The following MRPL55 variants were observed in gnomAD, a reference collection of about 807,000 sequenced individuals.
MRPL55 encodes mitochondrial ribosomal protein L55.
MRPL55 carries 7 observed loss-of-function variants against 10.6 expected under a neutral mutation model. That is an observed-to-expected ratio of 0.66 (90% CI 0.38 to 1.24). MRPL55 has a LOEUF of 1.24. MRPL55 is among the 50% of genes most tolerant of loss of function. The pLI is 0.02. For synonymous variants in MRPL55, 57 were observed against 71.8 expected (o/e 0.79, Z 1.04); for missense variants, 148 against 180.3 (o/e 0.82, Z 1.03).
Position 228,107,939 on chromosome 1 carries a change from G to A in MRPL55, c.27-70C>T, listed in dbSNP as rs753090966. ...CAGAGTGCCAACATGACTGAGGCTGGCTGTGATTGGGCACTGCCGGGCCAC... is the reference window on the plus strand; with the variant it reads ...CAGAGTGCCAACATGACTGAGGCTGACTGTGATTGGGCACTGCCGGGCCAC... On this transcript the variant is annotated intron_variant, in intron 3 of 4. Transcript: ENST00000336520. The A allele has an allele frequency of 1.9e-6, 3 of 1,585,302 alleles. No homozygotes were observed. In the South Asian group the frequency reaches 3.4e-5, roughly 18 times the overall value.
intron 3 of MRPL55, 47 bp from the exon 4 acceptor site, chr1:228,107,916 G>A: frequency 6.2e-7 from 1 of 1,602,282 alleles, no homozygotes; most frequent in East Asian, 2.2e-5. Flanking sequence ...TGCTGCAGCA[G>A]AGTGCCAACA....
chr1:228,106,843 A>G lies in MRPL55; in HGVS notation c.304T>C (p.Ser102Pro). The change falls in exon 5 of 5, where the codon TCG becomes CCG. Residue 102 changes from serine to proline, a missense_variant. Physicochemically the swap from Ser to Pro is moderately conservative, Grantham distance 74. Transcript: ENST00000336520. ...RLRKREAQLQ[S>P]RKEYEQELSD... ...AGCTCCTGCTCGTACTCCTTCCTCG[A>G]CTGGAGCTGAGCCTCACGCTTCCGC... 1.2e-6 allele frequency: 2 copies of G among 1,613,942 alleles called. No homozygotes were observed. The highest frequency in any genetic ancestry group is 1.7e-6 in the Non-Finnish European group (2 of 1,180,000).
chr1:228,106,979 G>A (rs2033187563), intron 4 of MRPL55, 61 bp from the exon 5 acceptor site: 1 of 1,459,432 alleles, frequency 6.9e-7, no homozygotes, highest in Non-Finnish European at 9.5e-7. Context: ...GCTACTGGGG[G>A]GACAGCCCAA....
Position 228,107,851 on chromosome 1 carries a change from G to A in MRPL55, c.45C>T (p.Thr15=), listed in dbSNP as rs200362514. 55 of 1,613,034 alleles carry A rather than the reference G, an allele frequency of 3.4e-5. No homozygotes were observed. In the East Asian group the frequency reaches 9.8e-4, roughly 29 times the overall value. Residue 15 remains threonine (T), a synonymous_variant, in exon 4 of 5, where the codon ACC becomes ACT. Coordinates refer to ENST00000336520, the MANE Select transcript of MRPL55 (RefSeq NM_181463.3). ...GSLLGRLRQS[T]VKATGPALRR... ...GGAGTGCAGGTCCGGTGGCCTTCAC[G>A]GTGCTCTGCCTCAGCCGGCTGCAGA...
intron 4 of MRPL55, among the ~76,000 whole-genome samples, chr1:228,107,354 G>T (rs2033240164): frequency 1.3e-5 from 2 of 152,214 alleles, no homozygotes; most frequent in South Asian, 4.1e-4. Context: ...AGCCCAGGGG[G>T]TCAGGGCTGC....
At position 228,107,198 on chromosome 1, in the gene MRPL55, C is replaced by T. The variant is rs537021688; in HGVS notation, c.229-280G>A. ...CTTTGGGAGGCCTAGGTGAGAGGAT[C>T]GCTTGAGCCCAGGAGTTCAAGACTA... On this transcript the variant is annotated intron_variant, in intron 4 of 4. Transcript: ENST00000336520. Among the ~76,000 whole-genome samples, 17 of 152,272 alleles carry T rather than the reference C, an allele frequency of 1.1e-4. No individual in the cohort carries two copies. The East Asian group carries it at 2.5e-3, about 22-fold the overall frequency.
In MRPL55 at chr1:228,109,290, C is replaced by CCGGGAG. The variant is rs2033546885; in HGVS notation, c.-268_-267insCTCCCG. 1 of 152,688 alleles carries CCGGGAG rather than the reference C, an allele frequency of 6.5e-6. No homozygotes were observed. The highest frequency in any genetic ancestry group is 2.4e-5 in the African/African-American group (1 of 41,424). The allele number at this position is 152,688 out of a possible 1,614,324, so 9.5% of individuals were successfully genotyped here. On this transcript the variant is annotated 5_prime_UTR_variant, in exon 1 of 5. Coordinates refer to ENST00000336520, the MANE Select transcript of MRPL55 (RefSeq NM_181463.3). ...TTGGGTGCTGCTGCGCTGCAGCCCA[C>CCGGGAG]GACGTCACTGGCAGGCGCTGCGTCG...
At position 228,108,278 on chromosome 1, in the gene MRPL55, G is replaced by A; in HGVS notation, c.-18C>T. On this transcript the variant is annotated 5_prime_UTR_variant, in exon 3 of 5. Transcript: ENST00000336520. ...GCCGCCATTCCTCCTTACAGCCCCAGTGGCACGTGGAGGTGGTCAGTACAG... is the reference window on the plus strand; with the variant it reads ...GCCGCCATTCCTCCTTACAGCCCCAATGGCACGTGGAGGTGGTCAGTACAG... 2 of 1,610,022 alleles carry A rather than the reference G, an allele frequency of 1.2e-6. No individual in the cohort carries two copies. Among genetic ancestry groups the A allele is most frequent in the South Asian group, 1.1e-5 (1 of 90,104 alleles).
At position 228,108,288 on chromosome 1, in the gene MRPL55, G is replaced by T; in HGVS notation, c.-28C>A. 6.2e-7 allele frequency: 1 copy of T among 1,608,412 alleles called. No individual in the cohort carries two copies. The highest frequency in any genetic ancestry group is 8.5e-7 in the Non-Finnish European group (1 of 1,177,640). On this transcript the variant is annotated 5_prime_UTR_variant, in exon 3 of 5. Coordinates refer to ENST00000336520, the MANE Select transcript of MRPL55 (RefSeq NM_181463.3). ...CTCCTTACAGCCCCAGTGGCACGTG[G>T]AGGTGGTCAGTACAGGCCCTGGCGT...
rs371037782 is a variant in MRPL55, at chr1:228,108,252, G to A, written c.9C>T (p.Ala3=). 1.3e-4 allele frequency: 210 copies of A among 1,610,908 alleles called. No individual in the cohort carries two copies. The highest frequency in any genetic ancestry group is 1.7e-4 in the Non-Finnish European group (196 of 1,179,100). ...ATGCTTACCCAAGCAGGCTGCCCAC[G>A]GCCGCCATTCCTCCTTACAGCCCCA... is the stretch of plus-strand genomic sequence containing the variant. MA[A]VGSLLGRLRQ... The change falls in exon 3 of 5, where the codon GCC becomes GCT. Residue 3 remains alanine, a synonymous_variant. Coordinates refer to ENST00000336520, the MANE Select transcript of MRPL55 (RefSeq NM_181463.3).
Position 228,109,276 on chromosome 1 carries a change from T to C in MRPL55, c.-253A>G, listed in dbSNP as rs1401696497. On this transcript the variant is annotated 5_prime_UTR_variant, in exon 1 of 5. Transcript: ENST00000336520. ...AGGTACTCACTGCGTTGGGTGCTGC[T>C]GCGCTGCAGCCCACGACGTCACTGG... The C allele has an allele frequency of 1.3e-5, 2 of 152,620 alleles. No homozygotes were observed. Among genetic ancestry groups the C allele is most frequent in the Admixed American group, 6.5e-5 (1 of 15,288 alleles). 9.5% of individuals were successfully genotyped at this position (152,620 alleles called of 1,614,324 possible).
At chr1:228,106,991 G>T in intron 4 of MRPL55, 73 bp from the exon 5 acceptor site, 1 of 1,262,554 alleles carries the variant, frequency 7.9e-7, no homozygotes, top group Non-Finnish European at 1.1e-6. Flanking sequence ...ACAGCCCAAG[G>T]CCTTCCTCTC....
chr1:228,107,676 T>C lies in MRPL55; in HGVS notation c.220A>G (p.Met74Val). ...IHIRYREPRRMLAMPIDLDTL... is the reference protein window; with the variant it reads ...IHIRYREPRRVLAMPIDLDTL... ...TGGAGAGGGAAGCTTACCGCCAGCA[T>C]GCGCCGTGGCTCCCTGTAGCGGATG... The change falls in exon 4 of 5, where the codon ATG becomes GTG. Residue 74 changes from methionine to valine, a missense_variant. By Grantham distance (21) the Met-to-Val change is conservative (BLOSUM62 1). Coordinates refer to ENST00000336520, the MANE Select transcript of MRPL55 (RefSeq NM_181463.3). The C allele has an allele frequency of 6.2e-7, 1 of 1,612,828 alleles. No homozygotes were observed. The highest frequency in any genetic ancestry group is 8.5e-7 in the Non-Finnish European group (1 of 1,179,976).
intron 2 of MRPL55, 51 bp from the exon 3 acceptor site, chr1:228,108,369 C>T: frequency 8.3e-7 from 1 of 1,203,480 alleles, no homozygotes; most frequent in Admixed American, 2.4e-5. Flanking sequence ...GTTCTTCCAC[C>T]TAATGGTTTC....
Position 228,107,832 on chromosome 1 carries a change from C to T in MRPL55, c.64G>A (p.Ala22Thr), listed in dbSNP as rs1206394772. 2 of 1,612,988 alleles carry T rather than the reference C, an allele frequency of 1.2e-6. No homozygotes were observed. The highest frequency in any genetic ancestry group is 2.7e-5 in the African/African-American group (2 of 74,924). ...GAGGATGTGTGCAGGCGGCGGAGTG[C>T]AGGTCCGGTGGCCTTCACGGTGCTC... ...RQSTVKATGP[A>T]LRRLHTSSWR... The change falls in exon 4 of 5, where the codon GCA becomes ACA. Residue 22 changes from alanine to threonine, a missense_variant. By Grantham distance (58) the Ala-to-Thr change is moderately conservative. Coordinates refer to ENST00000336520, the MANE Select transcript of MRPL55 (RefSeq NM_181463.3).
intron 4 of MRPL55, among the ~76,000 whole-genome samples, chr1:228,107,130 C>T (rs997178464): frequency 2.0e-5 from 3 of 152,216 alleles, no homozygotes; most frequent in African/African-American, 7.2e-5. Context: ...TAAAAACACA[C>T]AAGGCCAGGC....
In MRPL55 at chr1:228,107,678, C is replaced by T. The variant is rs760580888; in HGVS notation, c.218G>A (p.Arg73His). Reference sequence around the variant, plus strand: ...GAGAGGGAAGCTTACCGCCAGCATGCGCCGTGGCTCCCTGTAGCGGATGTG... The same window carrying T: ...GAGAGGGAAGCTTACCGCCAGCATGTGCCGTGGCTCCCTGTAGCGGATGTG... The part of the protein sequence containing the change: ...TIHIRYREPR[R>H]MLAMPIDLDT... The change falls in exon 4 of 5, where the codon CGC becomes CAC. Residue 73 changes from arginine to histidine, a missense_variant. Arg to His is a conservative substitution (Grantham distance 29). Coordinates refer to ENST00000336520, the MANE Select transcript of MRPL55 (RefSeq NM_181463.3). 6.8e-6 allele frequency: 11 copies of T among 1,612,704 alleles called. No individual in the cohort carries two copies. Among genetic ancestry groups the T allele is most frequent in the African/African-American group, 2.7e-5 (2 of 74,932 alleles).
In MRPL55 at chr1:228,107,869, G is replaced by A. The variant is rs2033336193; in HGVS notation, c.27C>T (p.Gly9=). The change falls in exon 4 of 5, where the codon GGC becomes GGT. Residue 9 remains glycine (G), a splice_region_variant and synonymous_variant. Coordinates refer to ENST00000336520, the MANE Select transcript of MRPL55 (RefSeq NM_181463.3). ...CCTTCACGGTGCTCTGCCTCAGCCG[G>A]CTGCAGATAAATGTTCAAGCTCTGG... The part of the protein sequence containing the change: MAAVGSLL[G]RLRQSTVKAT... The A allele has an allele frequency of 3.1e-6, 5 of 1,612,966 alleles. No individual in the cohort carries two copies. Among genetic ancestry groups the A allele is most frequent in the East Asian group, 2.2e-5 (1 of 44,876 alleles).
intron 3 of MRPL55, 158 bp from the exon 4 acceptor site, chr1:228,108,027 G>T (rs1317572568): frequency 4.5e-6 from 7 of 1,544,724 alleles, no homozygotes; most frequent in Non-Finnish European, 6.1e-6. Flanking sequence ...GCTTCCTCAG[G>T]AGCCACAGGC....
Sources: allele counts gnomAD v4.1 joint callset (sites outside exome capture counted in the v4.1 genomes callset), GRCh38; gene constraint gnomAD v4.1.1; transcripts MANE v1.5; gene names NCBI Gene and HGNC (gene_info 2026-07-23, HGNC 2026-07-21).